NAALADL2: variants seen among roughly 807,000 people sequenced by gnomAD.
The protein encoded by NAALADL2 is inactive N-acetylated-alpha-linked acidic dipeptidase-like protein 2.
Under a neutral mutation model 87.2 loss-of-function variants are expected in NAALADL2, and 76 were observed. The ratio of observed to expected loss-of-function variants is 0.87; its 90% CI spans 0.72 to 1.05. The LOEUF (loss-of-function observed/expected upper bound fraction) is 1.05. NAALADL2 is among the 50% of genes least tolerant of loss of function. The pLI is 0.00. For missense variants in NAALADL2, 1,089 were observed against 945.8 expected (o/e 1.15, Z -1.99); for synonymous variants, 354 against 331.0 (o/e 1.07, Z -0.75).
intron 6 of NAALADL2, among the ~76,000 whole-genome samples, chr3:175,448,883 A>C (rs1220980534): frequency 3.3e-5 from 5 of 151,642 alleles, no homozygotes; most frequent in Non-Finnish European, 5.9e-5. Context: ...CTAATTTAAA[A>C]AGTATATATT....
intron 3 of NAALADL2, among the ~76,000 whole-genome samples, chr3:174,783,643 C>A (rs1334064152): frequency 2.0e-5 from 3 of 151,996 alleles, no homozygotes; most frequent in African/African-American, 7.3e-5. Flanking sequence ...ATTTTGAATA[C>A]CTGAGTGAGT....
intron 2 of NAALADL2, among the ~76,000 whole-genome samples, chr3:174,611,332 T>G (rs1719852568): frequency 6.6e-6 from 1 of 151,886 alleles, no homozygotes; most frequent in South Asian, 2.1e-4. Context: ...AAAATAAAAA[T>G]AAATAAAAAA....
intron 5 of NAALADL2, among the ~76,000 whole-genome samples, chr3:175,350,365 T>C (rs1342765022): frequency 2.6e-5 from 4 of 152,178 alleles, no homozygotes; most frequent in African/African-American, 7.2e-5. Context: ...GATATCTGTC[T>C]CTGAGGGAAA....
rs1470704029 is a variant in NAALADL2 at position 175,436,120 on chromosome 3, G to A, written c.1091-11109G>A. Among the ~76,000 whole-genome samples, 8 of 145,044 alleles carry A rather than the reference G, an allele frequency of 5.5e-5. No individual in the cohort carries two copies. The South Asian group carries it at 1.3e-3, about 24-fold the overall frequency. The stretch of plus-strand genomic sequence containing the variant: ...GCGGTGTTTGGTTTTTTGATCTTGC[G>A]ATAGTTTACTGAGAATGATGATTTC... On this transcript the variant is annotated intron_variant, in intron 5 of 13. Coordinates refer to ENST00000454872, the MANE Select transcript of NAALADL2 (RefSeq NM_207015.3).
At chr3:175,269,367 A>G (rs975266005) in intron 4 of NAALADL2, among the ~76,000 whole-genome samples, 3 of 152,200 alleles carry the variant, frequency 2.0e-5, no homozygotes, top group Non-Finnish European at 4.4e-5. Flanking sequence ...CATGTGCTAT[A>G]CTTTTATACA....
intron 5 of NAALADL2, among the ~76,000 whole-genome samples, chr3:175,355,220 C>A (rs746673261): frequency 1.4e-4 from 21 of 151,920 alleles, no homozygotes; most frequent in Non-Finnish European, 2.9e-4. Context: ...AGGTGTGCAT[C>A]ACCACACTTG....
At chr3:174,640,611 T>C (rs548700049) in intron 2 of NAALADL2, among the ~76,000 whole-genome samples, 12 of 152,294 alleles carry the variant, frequency 7.9e-5, no homozygotes, top group African/African-American at 2.9e-4. Context: ...GGGCTGCATT[T>C]AGGACCAGAA....
At chr3:175,000,434 A>G (rs1277050124) in intron 1 of NAALADL2, among the ~76,000 whole-genome samples, 1 of 152,180 alleles carries the variant, frequency 6.6e-6, no homozygotes, top group Non-Finnish European at 1.5e-5. Flanking sequence ...TTCTGTCACG[A>G]GTACTCAAGT....
intron 11 of NAALADL2, among the ~76,000 whole-genome samples, chr3:175,733,693 G>T (rs1017712709): frequency 6.6e-6 from 1 of 152,150 alleles, no homozygotes; most frequent in Non-Finnish European, 1.5e-5. Context: ...TCTCATCTGA[G>T]ACAAGGCAAG....
At chr3:175,556,880 C>G (rs921902605) in intron 9 of NAALADL2, among the ~76,000 whole-genome samples, 20 of 152,100 alleles carry the variant, frequency 1.3e-4, no homozygotes, top group African/African-American at 4.6e-4. Context: ...AGAAACAGTT[C>G]AGGAAAAGTC....
chr3:174,912,834 T>C (rs970721695), intron 1 of NAALADL2, among the ~76,000 whole-genome samples: 18 of 152,306 alleles, frequency 1.2e-4, no homozygotes, highest in African/African-American at 4.1e-4. Flanking sequence ...TCTCTCATCA[T>C]TTTGCTGGCA....
intron 1 of NAALADL2, among the ~76,000 whole-genome samples, chr3:174,976,953 A>G (rs1394582906): frequency 1.3e-5 from 2 of 152,282 alleles, no homozygotes; most frequent in Non-Finnish European, 2.9e-5. Context: ...AGATGTGAAA[A>G]TTACCAGAAT....
intron 1 of NAALADL2, among the ~76,000 whole-genome samples, chr3:174,922,953 T>A (rs1735451293): frequency 6.6e-6 from 1 of 152,186 alleles, no homozygotes; most frequent in Non-Finnish European, 1.5e-5. Context: ...ATTTTAAAGT[T>A]CTTATCTTTC....
chr3:174,815,425 ATTC>A (rs10566411), intron 3 of NAALADL2, among the ~76,000 whole-genome samples: 19,694 of 151,836 alleles, frequency 0.13, 1,449 homozygotes, highest in Middle Eastern at 0.17. Flanking sequence ...CAAATTTATT[ATTC>A]TTTTCATTTC....
At chr3:175,462,332 CATAG>C (rs1293515584) in intron 6 of NAALADL2, among the ~76,000 whole-genome samples, 1 of 152,134 alleles carries the variant, frequency 6.6e-6, no homozygotes, top group Non-Finnish European at 1.5e-5. Flanking sequence ...TAGATTTACT[CATAG>C]ATAGATAAGG....
rs141582809 is a variant in NAALADL2 at position 175,718,540 on chromosome 3, C to T, written c.1897-18766C>T. The T allele has an allele frequency of 1.9e-4, 303 of 1,591,810 alleles. 1 individual carries two copies. The African/African-American group carries it at 3.5e-3, about 19-fold the overall frequency. ...TCATCCCTGTCCATCTTGTAAGTGTCATGTCTTCGTCATCTTCTAGATCCC... is the reference window on the plus strand; with the variant it reads ...TCATCCCTGTCCATCTTGTAAGTGTTATGTCTTCGTCATCTTCTAGATCCC... On this transcript the variant is annotated intron_variant, in intron 11 of 13. Transcript: ENST00000454872.
intron 1 of NAALADL2, among the ~76,000 whole-genome samples, chr3:174,461,235 C>G (rs1417052652): frequency 1.3e-5 from 2 of 151,874 alleles, no homozygotes; most frequent in African/African-American, 4.8e-5. Flanking sequence ...ATGTTTTATG[C>G]CAATGTTAAT....
intron 12 of NAALADL2, among the ~76,000 whole-genome samples, chr3:175,752,381 G>T (rs1236980983): frequency 6.6e-6 from 1 of 152,034 alleles, no homozygotes; most frequent in Non-Finnish European, 1.5e-5. Flanking sequence ...TCACAGAACT[G>T]ATATTCTAGT....
At chr3:175,457,088 G>C (rs145205888) in intron 6 of NAALADL2, among the ~76,000 whole-genome samples, 37 of 152,052 alleles carry the variant, frequency 2.4e-4, no homozygotes, top group African/African-American at 8.9e-4. Context: ...ATGTACCAGG[G>C]AACAATTTTT....
Sources: gnomAD v4.1 joint callset for allele counts (sites outside exome capture counted in the v4.1 genomes callset) on GRCh38, gnomAD v4.1.1 for gene constraint, MANE v1.5 for transcripts, NCBI Gene and HGNC (gene_info 2026-07-23, HGNC 2026-07-21) for gene names.